The following KCNH8 variants were observed in gnomAD, a reference collection of about 807,000 sequenced individuals.
KCNH8 encodes the protein potassium voltage-gated channel subfamily H member 8.
Under a neutral mutation model 103.6 loss-of-function variants are expected in KCNH8, and 70 were observed. The ratio of observed to expected loss-of-function variants is 0.68; its 90% confidence interval spans 0.56 to 0.82. The LOEUF (loss-of-function observed/expected upper bound fraction) is 0.82, where lower values mean the gene tolerates loss of function less well. Ranked by LOEUF, KCNH8 falls within the 40% of genes least tolerant of loss-of-function variation. KCNH8 has a pLI of 0.00. For missense variants in KCNH8, 1,217 were observed against 1,329.9 expected (o/e 0.92, Z 1.32); for synonymous variants, 498 against 489.4 (o/e 1.02, Z -0.23).
At chr3:19,390,371 G>T in intron 5 of KCNH8, 110 bp from the exon 6 acceptor site, 2 of 790,310 alleles carry the variant, frequency 2.5e-6, no homozygotes, top group Non-Finnish European at 4.0e-6. Context: ...CTTCCTGCTT[G>T]TTTGCCTGCC....
chr3:19,259,137 G>A (rs1355672695), intron 2 of KCNH8, among the ~76,000 whole-genome samples: 3 of 150,816 alleles, frequency 2.0e-5, no homozygotes, highest in Non-Finnish European at 3.0e-5. Flanking sequence ...TCATTCTCAC[G>A]TCGCCATCAA....
In KCNH8 at chr3:19,208,476, C is replaced by G. The variant is rs188753608; in HGVS notation, c.77-45178C>G. On this transcript the variant is annotated intron_variant, in intron 1 of 15. Transcript: ENST00000328405. Reference sequence around the variant, plus strand: ...CCATTTGGATATATGTTTTCAACAACTTTAAAAAATTGAAAAGAGTGGTGT... The same window carrying G: ...CCATTTGGATATATGTTTTCAACAAGTTTAAAAAATTGAAAAGAGTGGTGT... Among the ~76,000 whole-genome samples the G allele has an allele frequency of 5.0e-3, 757 of 152,000 alleles. 5 individuals carry two copies. The highest frequency in any genetic ancestry group is 0.016 in the African/African-American group (672 of 41,516).
At chr3:19,176,788 A>G (rs910289191) in intron 1 of KCNH8, among the ~76,000 whole-genome samples, 5 of 152,080 alleles carry the variant, frequency 3.3e-5, no homozygotes, top group African/African-American at 1.2e-4. Flanking sequence ...TGTGTTAGTT[A>G]TGCTCTATAA....
At chr3:19,480,931 GAGA>G (rs1038844683) in intron 11 of KCNH8, among the ~76,000 whole-genome samples, 1 of 152,148 alleles carries the variant, frequency 6.6e-6, no homozygotes, top group African/African-American at 2.4e-5. Flanking sequence ...GGAGAGAAAG[GAGA>G]AGAAAAGCTA....
At chr3:19,296,053 C>T (rs1427813655) in intron 3 of KCNH8, among the ~76,000 whole-genome samples, 2 of 152,084 alleles carry the variant, frequency 1.3e-5, no homozygotes, top group South Asian at 2.1e-4. Flanking sequence ...GTGAGCCTCC[C>T]CAAAATTCCA....
intron 11 of KCNH8, among the ~76,000 whole-genome samples, chr3:19,489,980 G>A (rs976185065): frequency 3.3e-5 from 5 of 152,144 alleles, no homozygotes; most frequent in South Asian, 2.1e-4. Context: ...TCAGATGTCC[G>A]GACTCCAAGT....
chr3:19,462,232 G>A (rs948366463), intron 11 of KCNH8, among the ~76,000 whole-genome samples: 11 of 152,126 alleles, frequency 7.2e-5, no homozygotes, highest in African/African-American at 2.7e-4. Context: ...CTTCCACAAT[G>A]GTTGAACTAG....
chr3:19,511,567 C>A (rs372652670), intron 12 of KCNH8, among the ~76,000 whole-genome samples: 1 of 152,102 alleles, frequency 6.6e-6, no homozygotes, highest in African/African-American at 2.4e-5. Flanking sequence ...TTCTATCCAA[C>A]GATGCTAGTA....
At position 19,276,438 on chromosome 3, in the gene KCNH8, T is replaced by C. The variant is rs566199759; in HGVS notation, c.311-4760T>C. Among the ~76,000 whole-genome samples, 11 of 152,216 alleles carry C rather than the reference T, an allele frequency of 7.2e-5. No homozygotes were observed. In the East Asian group the frequency reaches 1.9e-3, roughly 27 times the overall value. ...TTTCAAAAAGTAAAGATGTTATGTA[T>C]TTATCATTAAAAATTTATTCAAAAT... On this transcript the variant is annotated intron_variant, in intron 2 of 15. Coordinates refer to ENST00000328405, the MANE Select transcript of KCNH8 (RefSeq NM_144633.3).
intron 5 of KCNH8, among the ~76,000 whole-genome samples, chr3:19,372,467 C>T (rs1280207965): frequency 1.3e-5 from 2 of 151,644 alleles, no homozygotes; most frequent in South Asian, 2.1e-4. Context: ...GATTTTGTAT[C>T]CTGAGACTTT....
intron 14 of KCNH8, 77 bp from the exon 15 acceptor site, chr3:19,517,921 C>A: frequency 1.7e-6 from 2 of 1,177,104 alleles, no homozygotes; most frequent in African/African-American, 1.5e-5. Flanking sequence ...GACTTTCTTT[C>A]ATATTCTAAT....
Position 19,231,949 on chromosome 3 carries a change from C to T in KCNH8, c.77-21705C>T, listed in dbSNP as rs117612586. Among the ~76,000 whole-genome samples, 8 of 152,192 alleles carry T rather than the reference C, an allele frequency of 5.3e-5. No individual in the cohort carries two copies. In the South Asian group the frequency reaches 6.2e-4, roughly 12 times the overall value. The stretch of plus-strand genomic sequence containing the variant: ...TAAATCAATACATCAAATTAATTGC[C>T]GCGAGTTTTGAGACCTGACACCAAA... On this transcript the variant is annotated intron_variant, in intron 1 of 15. Coordinates refer to ENST00000328405, the MANE Select transcript of KCNH8 (RefSeq NM_144633.3).
At chr3:19,351,969 A>G (rs1304251798) in intron 5 of KCNH8, among the ~76,000 whole-genome samples, 1 of 152,176 alleles carries the variant, frequency 6.6e-6, no homozygotes. Context: ...AAGACCCATC[A>G]GTGTGCTGTA....
At chr3:19,340,355 T>TG (rs1491058073) in intron 3 of KCNH8, among the ~76,000 whole-genome samples, 1 of 107,052 alleles carries the variant, frequency 9.3e-6, no homozygotes, top group African/African-American at 4.0e-5. Context: ...ATTTTTTTTT[T>TG]AATTTTTTTT....
At chr3:19,259,775 G>A (rs1304977797) in intron 2 of KCNH8, among the ~76,000 whole-genome samples, 1 of 77,220 alleles carries the variant, frequency 1.3e-5, no homozygotes, top group East Asian at 3.8e-4. Flanking sequence ...ATGCATATAT[G>A]TATGTGTGTT....
At chr3:19,159,340 G>C (rs1162495049) in intron 1 of KCNH8, among the ~76,000 whole-genome samples, 1 of 151,450 alleles carries the variant, frequency 6.6e-6, no homozygotes, top group South Asian at 2.1e-4. Context: ...ATAATATAGT[G>C]TATATATAGT....
chr3:19,253,689 A>G lies in KCNH8; in HGVS notation c.112A>G (p.Lys38Glu). ...NFILANAQVA[K>E]GFPIVYCSDG... ...CATCCTTGCCAATGCCCAGGTGGCT[A>G]AGGGTTTCCCCATAGTCTACTGTTC... is the stretch of plus-strand genomic sequence containing the variant. The change falls in exon 2 of 16, where the codon AAG becomes GAG. Residue 38 changes from lysine to glutamate, a missense_variant. By Grantham distance (56) the Lys-to-Glu change is moderately conservative. Around this residue, in one of 3 missense-constraint regions of KCNH8, gnomAD observed 244 missense variants for 256.8 expected, o/e 0.95. Transcript: ENST00000328405. 1 of 1,613,598 alleles carries G rather than the reference A, an allele frequency of 6.2e-7. No individual in the cohort carries two copies. Among genetic ancestry groups the G allele is most frequent in the Non-Finnish European group, 8.5e-7 (1 of 1,179,826 alleles).
intron 1 of KCNH8, among the ~76,000 whole-genome samples, chr3:19,241,723 G>GACACAC (rs71055059): frequency 1.1e-3 from 166 of 147,804 alleles, no homozygotes; most frequent in African/African-American, 3.4e-3. Context: ...TACACACACA[G>GACACAC]ACACACACAC....
chr3:19,525,579 T>C (rs1244663958), intron 15 of KCNH8, among the ~76,000 whole-genome samples: 2 of 151,842 alleles, frequency 1.3e-5, no homozygotes, highest in South Asian at 2.1e-4. Context: ...AAATAATAGA[T>C]TACCATGGTA....
Sources: allele counts gnomAD v4.1 joint callset (sites outside exome capture counted in the v4.1 genomes callset), GRCh38; gene constraint gnomAD v4.1.1; regional missense constraint gnomAD v4.1.1; transcripts MANE v1.5; gene names NCBI Gene and HGNC (gene_info 2026-07-23, HGNC 2026-07-21).